Variants in EHD4 observed in about 807,000 individuals in gnomAD.
The protein encoded by EHD4 is EH domain containing 4.
A neutral mutation model predicts 51.0 loss-of-function variants in EHD4; 37 were observed. The ratio of observed to expected loss-of-function variants is 0.73; its 90% CI spans 0.56 to 0.95. EHD4 has a LOEUF of 0.95. Among genes scored for constraint, EHD4 ranks in the 40% least tolerant of loss-of-function variants. The pLI is 0.00. For missense variants in EHD4, 632 were observed against 733.1 expected (o/e 0.86, Z 1.59); for synonymous variants, 297 against 317.3 (o/e 0.94, Z 0.68).
At chr15:41,907,802 T>A (rs2067521980) in intron 5 of EHD4, among the ~76,000 whole-genome samples, 1 of 150,184 alleles carries the variant, frequency 6.7e-6, no homozygotes, top group Admixed American at 6.7e-5. Context: ...GGATTACAGG[T>A]GTGAGCCACT....
At chr15:41,954,977 T>G (rs2067877404) in intron 1 of EHD4, among the ~76,000 whole-genome samples, 1 of 152,258 alleles carries the variant, frequency 6.6e-6, no homozygotes, top group South Asian at 2.1e-4. Flanking sequence ...TTCTAAACCT[T>G]TAATTGATGT....
intron 5 of EHD4, among the ~76,000 whole-genome samples, chr15:41,902,042 C>T (rs1015057732): frequency 5.9e-5 from 9 of 152,162 alleles, no homozygotes; most frequent in Non-Finnish European, 1.0e-4. Flanking sequence ...TATCACTGGC[C>T]AGGTCAGGAC....
In EHD4 at chr15:41,900,838, T is replaced by C. The variant is rs368170897; in HGVS notation, c.1433A>G (p.Lys478Arg). Residue 478 changes from lysine (K) to arginine (R), a missense_variant, in exon 6 of 6, where the codon AAG (lysine) becomes AGG (arginine). By Grantham distance (26) the Lys-to-Arg change is conservative. Coordinates refer to ENST00000220325, the MANE Select transcript of EHD4 (RefSeq NM_139265.4). This position sits in a 1 kb window ranked among gnomAD's most constrained non-coding sequence, Gnocchi z 4.8. ...CTTGCCCAGGACGCTGTTGGGCAGCTTGGAGGTCACCATCTCCTTCTTGGC... is the reference window on the plus strand; with the variant it reads ...CTTGCCCAGGACGCTGTTGGGCAGCCTGGAGGTCACCATCTCCTTCTTGGC... Reference protein sequence around the residue: ...VNAKKEMVTSKLPNSVLGKIW... With the variant: ...VNAKKEMVTSRLPNSVLGKIW... The C allele has an allele frequency of 1.5e-5, 24 of 1,614,074 alleles. No individual in the cohort carries two copies. The highest frequency in any genetic ancestry group is 1.7e-5 in the Non-Finnish European group (20 of 1,180,052).
At chr15:41,927,494 A>G (rs1346982612) in intron 3 of EHD4, among the ~76,000 whole-genome samples, 1 of 152,242 alleles carries the variant, frequency 6.6e-6, no homozygotes, top group Non-Finnish European at 1.5e-5. Flanking sequence ...TACACATCCA[A>G]TGGAATACTA....
At chr15:41,927,961 C>T (rs1003875233) in intron 3 of EHD4, among the ~76,000 whole-genome samples, 3 of 152,078 alleles carry the variant, frequency 2.0e-5, no homozygotes, top group East Asian at 1.9e-4. Context: ...TAGTGGTATG[C>T]GTTTCTAAAA....
Position 41,919,262 on chromosome 15 carries a change from T to C in EHD4, c.872A>G (p.Lys291Arg). 1.9e-6 allele frequency: 3 copies of C among 1,614,174 alleles called. No homozygotes were observed. The highest frequency in any genetic ancestry group is 2.5e-6 in the Non-Finnish European group (3 of 1,180,044). The change falls in exon 4 of 6, where the codon AAG becomes AGG. Residue 291 changes from lysine to arginine, a missense_variant. By Grantham distance (26) the Lys-to-Arg change is conservative. Coordinates refer to ENST00000220325, the MANE Select transcript of EHD4 (RefSeq NM_139265.4). ...LFRDIQSLPQ[K>R]AAVRKLNDLI... ...GTCGTTGAGCTTGCGCACCGCTGCC[T>C]TCTGGGGGAGGCTCTGGATGTCTCT... is the stretch of plus-strand genomic sequence containing the variant.
intron 3 of EHD4, among the ~76,000 whole-genome samples, chr15:41,924,458 C>A (rs759692357): frequency 2.6e-5 from 4 of 152,214 alleles, no homozygotes; most frequent in Non-Finnish European, 5.9e-5. Flanking sequence ...TATCCACAGG[C>A]CTCAGGAGCT....
At chr15:41,955,249 T>TTTTTTTTTTTTTTTATTTTTTTTTTTTTG (rs2067880136) in intron 1 of EHD4, among the ~76,000 whole-genome samples, 1 of 151,942 alleles carries the variant, frequency 6.6e-6, no homozygotes, top group African/African-American at 2.4e-5. Flanking sequence ...TCGTTTTATT[T>TTTTTTTTTTTTTTTATTTTTTTTTTTTTG]ACAGGTGGGA....
chr15:41,923,012 A>G (rs2067637504), intron 3 of EHD4, among the ~76,000 whole-genome samples: 1 of 152,150 alleles, frequency 6.6e-6, no homozygotes, highest in Non-Finnish European at 1.5e-5. Flanking sequence ...TGGTCTGCTT[A>G]CCACCTCCCC....
intron 1 of EHD4, among the ~76,000 whole-genome samples, chr15:41,964,144 C>CAAAA (rs755699829): frequency 1.5e-4 from 4 of 26,556 alleles, no homozygotes; most frequent in Admixed American, 4.2e-4. Context: ...GACTCCATCT[C>CAAAA]AAAAAAAAAA....
intron 3 of EHD4, among the ~76,000 whole-genome samples, chr15:41,928,115 A>G (rs999548414): frequency 7.2e-5 from 11 of 152,226 alleles, no homozygotes; most frequent in Admixed American, 2.6e-4. Flanking sequence ...GAGTCTCTGC[A>G]TTGTTTCCTG....
At chr15:41,917,487 G>T (rs2067592701) in intron 4 of EHD4, among the ~76,000 whole-genome samples, 2 of 152,044 alleles carry the variant, frequency 1.3e-5, no homozygotes, top group Admixed American at 1.3e-4. Flanking sequence ...ACCAATAACT[G>T]GTAAATGAAG....
chr15:41,972,225 G>A (rs763701164), intron 1 of EHD4, 34 bp downstream of exon 1: 3 of 1,493,116 alleles, frequency 2.0e-6, no homozygotes, highest in African/African-American at 1.4e-5. Flanking sequence ...AGGGCGGAGC[G>A]GGGCGGGAGC....
intron 1 of EHD4, among the ~76,000 whole-genome samples, chr15:41,954,958 C>T (rs528789847): frequency 2.6e-5 from 4 of 152,316 alleles, no homozygotes; most frequent in Admixed American, 1.3e-4. Flanking sequence ...GCAACCTTAA[C>T]GGGCTATATT....
intron 1 of EHD4, among the ~76,000 whole-genome samples, chr15:41,956,296 G>A (rs778226173): frequency 5.9e-5 from 9 of 151,612 alleles, no homozygotes; most frequent in Non-Finnish European, 8.8e-5. Context: ...GCCCCTTCTC[G>A]GCACCTTCAC....
intron 3 of EHD4, among the ~76,000 whole-genome samples, chr15:41,934,712 A>G (rs1429500115): frequency 6.6e-6 from 1 of 152,164 alleles, no homozygotes; most frequent in Non-Finnish European, 1.5e-5. Flanking sequence ...TGTGGACTCC[A>G]GAGCAGGAGG....
At chr15:41,905,444 C>T (rs542848623) in intron 5 of EHD4, among the ~76,000 whole-genome samples, 1 of 152,262 alleles carries the variant, frequency 6.6e-6, no homozygotes, top group South Asian at 2.1e-4. Flanking sequence ...TACTAATTCA[C>T]TTGGCTTGTG....
At chr15:41,918,094 C>T (rs1467656697) in intron 4 of EHD4, among the ~76,000 whole-genome samples, 2 of 152,284 alleles carry the variant, frequency 1.3e-5, no homozygotes, top group African/African-American at 2.4e-5. Flanking sequence ...TTGTCCCCAC[C>T]TTGGCTGTCC....
intron 3 of EHD4, among the ~76,000 whole-genome samples, chr15:41,938,467 T>G (rs2067746109): frequency 2.6e-5 from 4 of 152,262 alleles, no homozygotes; most frequent in Non-Finnish European, 5.9e-5. Flanking sequence ...CCACTGCTTT[T>G]ACCAGCAGGG....
Sources: gnomAD v4.1 joint callset for allele counts (sites outside exome capture counted in the v4.1 genomes callset) on GRCh38, gnomAD v4.1.1 for gene constraint, Gnocchi (gnomAD v3.1) non-coding constraint, MANE v1.5 for transcripts, NCBI Gene and HGNC (gene_info 2026-07-23, HGNC 2026-07-21) for gene names.